The following DDX60L variants were observed in gnomAD, a reference collection of about 807,000 sequenced individuals.
DDX60L encodes the protein probable ATP-dependent RNA helicase DDX60-like.
DDX60L carries 191 observed loss-of-function variants against 211.6 expected under a neutral mutation model. That is an observed-to-expected ratio of 0.90 (90% CI 0.80 to 1.02). The LOEUF is 1.02. Ranked by LOEUF, DDX60L falls within the 50% of genes least tolerant of loss-of-function variation. The pLI, the probability that DDX60L is intolerant of heterozygous loss-of-function variation, is 0.00. For missense variants in DDX60L, 2,007 were observed against 1,984.1 expected, an observed-to-expected ratio of 1.01 and a Z score of -0.22; for synonymous variants, 706 against 694.1, an observed-to-expected ratio of 1.02 and a Z score of -0.27.
At chr4:168,468,477 TAAG>T (rs1027140568) in intron 4 of DDX60L, among the ~76,000 whole-genome samples, 3 of 152,062 alleles carry the variant, frequency 2.0e-5, no homozygotes, top group African/African-American at 7.2e-5. Flanking sequence ...AAACCTAAAA[TAAG>T]AAGAAATTTT....
intron 36 of DDX60L, among the ~76,000 whole-genome samples, chr4:168,363,321 C>T (rs1017362863): frequency 6.6e-6 from 1 of 152,154 alleles, no homozygotes; most frequent in African/African-American, 2.4e-5. Flanking sequence ...AATGCTACAA[C>T]TAAAAATGAA....
At chr4:168,465,661 T>C (rs1757900411) in intron 4 of DDX60L, among the ~76,000 whole-genome samples, 1 of 152,178 alleles carries the variant, frequency 6.6e-6, no homozygotes, top group Admixed American at 6.5e-5. Context: ...CATTTTGAAT[T>C]GATTTTTTAA....
chr4:168,457,722 G>A (rs574512357), intron 6 of DDX60L, among the ~76,000 whole-genome samples, 170 bp downstream of exon 6: 1 of 152,256 alleles, frequency 6.6e-6, no homozygotes, highest in Admixed American at 6.5e-5. Flanking sequence ...GCCATCCGAT[G>A]AATTCAAGGT....
At chr4:168,391,261 A>C (rs1034442504) in intron 29 of DDX60L, among the ~76,000 whole-genome samples, 4 of 152,244 alleles carry the variant, frequency 2.6e-5, no homozygotes, top group Admixed American at 6.5e-5. Context: ...GAATCAGAAC[A>C]GCTGTACATT....
intron 12 of DDX60L, among the ~76,000 whole-genome samples, chr4:168,431,508 C>T (rs1036680335): frequency 7.1e-6 from 1 of 140,602 alleles, no homozygotes; most frequent in Non-Finnish European, 1.5e-5. Flanking sequence ...GCAATGAGAA[C>T]ACATGGACAC....
intron 1 of DDX60L, among the ~76,000 whole-genome samples, chr4:168,479,122 TGATGGATGGATGGATG>T (rs35832532): frequency 5.6e-5 from 8 of 141,896 alleles, no homozygotes; most frequent in African/African-American, 1.7e-4. Flanking sequence ...GATGGCTGGA[TGATGGATGGATGGATG>T]GATGGATGGA....
intron 37 of DDX60L, among the ~76,000 whole-genome samples, chr4:168,359,232 A>T (rs1326450315): frequency 6.6e-6 from 1 of 152,200 alleles, no homozygotes; most frequent in Non-Finnish European, 1.5e-5. Context: ...AGGAATGATC[A>T]CATCTTTATC....
intron 4 of DDX60L, chr4:168,470,881 A>C (rs985592768): frequency 3.8e-6 from 1 of 264,832 alleles, no homozygotes; most frequent in African/African-American, 2.3e-5. Flanking sequence ...AAAACTCAAG[A>C]AGGCAATAGA....
In DDX60L at chr4:168,448,668, C is replaced by G. The variant is rs944216966; in HGVS notation, c.1108G>C (p.Ala370Pro). 11 of 1,579,098 alleles carry G rather than the reference C, an allele frequency of 7.0e-6. No individual in the cohort carries two copies. Among genetic ancestry groups the G allele is most frequent in the Non-Finnish European group, 9.5e-6 (11 of 1,153,648 alleles). ...LYDEQLLKNI[A>P]FYYEFESTQE... Reference sequence around the variant, plus strand: ...GTACTTTCAAATTCATAGTAGAAGGCTATATTCTTTAACAATTGCTCATCA... The same window carrying G: ...GTACTTTCAAATTCATAGTAGAAGGGTATATTCTTTAACAATTGCTCATCA... Residue 370 changes from alanine to proline, a missense_variant, in exon 9 of 38, where the codon GCC becomes CCC. Physicochemically the swap from Ala to Pro is conservative, Grantham distance 27. Coordinates refer to ENST00000682922, the MANE Select transcript of DDX60L (RefSeq NM_001012967.3).
At position 168,461,689 on chromosome 4, in the gene DDX60L, T is replaced by C. The variant is rs1579816024; in HGVS notation, c.606+10A>G. The C allele has an allele frequency of 2.0e-6, 3 of 1,491,842 alleles. No individual in the cohort carries two copies. The highest frequency in any genetic ancestry group is 1.8e-6 in the Non-Finnish European group (2 of 1,116,908). 92.4% of individuals were successfully genotyped at this position (1,491,842 alleles called of 1,614,324 possible). Reference sequence around the variant, plus strand: ...AATCAGGAAAAAAATGAGTTATTAATGTCAATTACCTCCTTGGAAAAAGTT... The same window carrying C: ...AATCAGGAAAAAAATGAGTTATTAACGTCAATTACCTCCTTGGAAAAAGTT... On this transcript the variant is annotated intron_variant, in intron 5 of 37. Coordinates refer to ENST00000682922, the MANE Select transcript of DDX60L (RefSeq NM_001012967.3).
chr4:168,449,583 T>A (rs1755368858), intron 8 of DDX60L, among the ~76,000 whole-genome samples: 1 of 100,644 alleles, frequency 9.9e-6, no homozygotes, highest in Non-Finnish European at 1.8e-5. Flanking sequence ...ACCTGCACAA[T>A]GTGCACATGT....
intron 1 of DDX60L, among the ~76,000 whole-genome samples, chr4:168,475,552 T>C (rs935346435): frequency 6.6e-6 from 1 of 152,108 alleles, no homozygotes; most frequent in Non-Finnish European, 1.5e-5. Context: ...TGTAAATGCT[T>C]TGAACATTGA....
chr4:168,411,522 T>C (rs1027459379), intron 22 of DDX60L, among the ~76,000 whole-genome samples: 2 of 152,192 alleles, frequency 1.3e-5, no homozygotes, highest in Admixed American at 6.5e-5. Flanking sequence ...AGGGAGCATT[T>C]AGACTAGCCT....
chr4:168,451,797 T>C (rs933597788), intron 8 of DDX60L, among the ~76,000 whole-genome samples: 8 of 152,172 alleles, frequency 5.3e-5, no homozygotes, highest in Non-Finnish European at 7.4e-5. Context: ...CATCAGCTTT[T>C]CTCCTCTCTG....
chr4:168,376,497 C>T (rs1448378573), intron 33 of DDX60L, among the ~76,000 whole-genome samples: 1 of 152,150 alleles, frequency 6.6e-6, no homozygotes, highest in Admixed American at 6.5e-5. Context: ...CAAAAGGCAA[C>T]CGTGTGGACA....
rs1475838637 is a variant in DDX60L at position 168,423,769 on chromosome 4, T to C, written c.1936A>G (p.Ile646Val). Residue 646 changes from isoleucine to valine, a missense_variant, in exon 15 of 38, where the codon ATT becomes GTT. By Grantham distance (29) the Ile-to-Val change is conservative (BLOSUM62 3). Transcript: ENST00000682922. Reference sequence around the variant, plus strand: ...ACAGCTATACTTAAATCTTTCGAAATTTTGCCTTGTTAAAGAAACAATAAA... The same window carrying C: ...ACAGCTATACTTAAATCTTTCGAAACTTTGCCTTGTTAAAGAAACAATAAA... Reference protein sequence around the residue: ...WKKHCRGEGKISKDLSIAVQM... With the variant: ...WKKHCRGEGKVSKDLSIAVQM... The C allele has an allele frequency of 3.8e-6, 6 of 1,565,650 alleles. No homozygotes were observed. Among genetic ancestry groups the C allele is most frequent in the Non-Finnish European group, 5.2e-6 (6 of 1,163,680 alleles).
intron 36 of DDX60L, among the ~76,000 whole-genome samples, chr4:168,370,206 T>C (rs539039171): frequency 1.3e-5 from 2 of 152,286 alleles, no homozygotes; most frequent in African/African-American, 4.8e-5. Flanking sequence ...AAAGAAAATG[T>C]GGTACATATA....
intron 1 of DDX60L, among the ~76,000 whole-genome samples, chr4:168,475,495 A>G (rs1759352077): frequency 6.6e-6 from 1 of 152,220 alleles, no homozygotes; most frequent in Admixed American, 6.5e-5. Context: ...TTTAGACTCA[A>G]TGTATAGATA....
intron 24 of DDX60L, 125 bp from the exon 25 acceptor site, chr4:168,404,231 T>C (rs1747351583): frequency 1.0e-5 from 6 of 601,834 alleles, no homozygotes; most frequent in Non-Finnish European, 1.5e-5. Context: ...GGTGGGTTTT[T>C]AAAATAGTCC....
Sources: allele counts gnomAD v4.1 joint callset (sites outside exome capture counted in the v4.1 genomes callset), GRCh38; gene constraint gnomAD v4.1.1; transcripts MANE v1.5; gene names NCBI Gene and HGNC (gene_info 2026-07-23, HGNC 2026-07-21).